The following PALD1 variants were observed in gnomAD, a reference collection of about 807,000 sequenced individuals.
The protein encoded by PALD1 is phosphatase domain containing paladin 1.
PALD1 carries 57 observed loss-of-function variants against 96.0 expected under a neutral mutation model. That is an observed-to-expected ratio of 0.59 (90% confidence interval 0.48 to 0.74). PALD1 has a LOEUF of 0.74. Among genes scored for constraint, PALD1 ranks in the 30% least tolerant of loss-of-function variants. PALD1 has a pLI of 0.00. For missense variants in PALD1, 1,063 were observed against 1,143.7 expected (o/e 0.93, Z 1.02); for synonymous variants, 464 against 473.6 (o/e 0.98, Z 0.26).
At chr10:70,460,316 G>C in the PALD1 span, among the ~76,000 whole-genome samples, 1 of 152,106 alleles carries the variant, frequency 6.6e-6, no homozygotes, top group Non-Finnish European at 1.5e-5. Flanking sequence ...AATGCCCATG[G>C]TGCCCGGCCT....
chr10:70,537,837 G>A lies in PALD1; in HGVS notation c.1254G>A (p.Trp418Ter). Residue 418 changes from tryptophan to a stop codon, truncating the protein, a stop_gained, in exon 11 of 20, where the codon TGG becomes TGA. Transcript: ENST00000263563. LOFTEE classifies it high-confidence loss of function. ...AQGSGSRHSV[W>*]QRALWSLERY... ...GAAGCGGCAGCCGACACAGCGTCTG[G>A]CAGAGGGCGCTGTGGAGCCTGGAGC... The A allele has an allele frequency of 6.2e-7, 1 of 1,613,436 alleles. No individual in the cohort carries two copies.
At chr10:70,469,298 A>T in the PALD1 span, among the ~76,000 whole-genome samples, 8 of 152,182 alleles carry the variant, frequency 5.3e-5, no homozygotes. Flanking sequence ...ATTCTGGCTG[A>T]GGAGGGCTGG....
At chr10:70,562,173 C>T (rs1475373926) in intron 18 of PALD1, among the ~76,000 whole-genome samples, 2 of 152,218 alleles carry the variant, frequency 1.3e-5, no homozygotes, top group Non-Finnish European at 2.9e-5. Context: ...GAACCCAGCT[C>T]ATGGGACTCA....
At chr10:70,544,118 G>A (rs940465779) in intron 17 of PALD1, among the ~76,000 whole-genome samples, 1 of 152,182 alleles carries the variant, frequency 6.6e-6, no homozygotes, top group Non-Finnish European at 1.5e-5. Flanking sequence ...GCGTGAAGAG[G>A]CCCAGAGCAG....
intron 1 of PALD1, among the ~76,000 whole-genome samples, chr10:70,517,821 G>A (rs1463843754): frequency 1.3e-5 from 2 of 152,076 alleles, no homozygotes; most frequent in African/African-American, 4.8e-5. Flanking sequence ...TCTGGGGCTT[G>A]GCTTGTTTCT....
At chr10:70,548,809 A>G (rs1847420983) in intron 18 of PALD1, among the ~76,000 whole-genome samples, 1 of 152,154 alleles carries the variant, frequency 6.6e-6, no homozygotes, top group African/African-American at 2.4e-5. Flanking sequence ...TCAGGCCCTG[A>G]TTGGGGCAAA....
At chr10:70,563,070 T>G (rs529462366) in intron 18 of PALD1, among the ~76,000 whole-genome samples, 22 of 127,974 alleles carry the variant, frequency 1.7e-4, no homozygotes, top group African/African-American at 6.3e-4. Flanking sequence ...ATTTTGACAA[T>G]CCCGATGCCC....
chr10:70,557,873 G>T (rs912875603), intron 18 of PALD1, among the ~76,000 whole-genome samples: 1 of 151,032 alleles, frequency 6.6e-6, no homozygotes, highest in Non-Finnish European at 1.5e-5. Flanking sequence ...AGGGTGGGGA[G>T]TGTTGCTGTC....
chr10:70,541,366 C>A (rs1034608433), intron 16 of PALD1, 97 bp from the exon 17 acceptor site: 5 of 1,516,872 alleles, frequency 3.3e-6, no homozygotes, highest in Non-Finnish European at 4.5e-6. Context: ...GGTCCCAGAG[C>A]CCCTTCCATC....
In PALD1 at chr10:70,514,005, G is replaced by A. The variant is rs116184235; in HGVS notation, c.-29-11918G>A. On this transcript the variant is annotated intron_variant, in intron 1 of 19. Transcript: ENST00000263563. ...AGGCTTCCCCCTGCTCTCTGAGGGCGGGCAGGGACTTCCCCATCCCTCCAC... is the reference window on the plus strand; with the variant it reads ...AGGCTTCCCCCTGCTCTCTGAGGGCAGGCAGGGACTTCCCCATCCCTCCAC... 8.5e-3 allele frequency among the ~76,000 whole-genome samples: 1,290 copies of A among 152,312 alleles called. 17 individuals carry two copies. Among genetic ancestry groups the A allele is most frequent in the African/African-American group, 0.029 (1,213 of 41,570 alleles).
intron 1 of PALD1, 149 bp downstream of exon 1, chr10:70,479,208 T>A (rs1489422240): frequency 6.6e-6 from 1 of 152,362 alleles, no homozygotes; most frequent in African/African-American, 2.4e-5. Flanking sequence ...CCGCTCAGGA[T>A]TGGTCCCTGG....
intron 19 of PALD1, among the ~76,000 whole-genome samples, chr10:70,565,978 C>T (rs1274638077): frequency 6.6e-6 from 1 of 152,214 alleles, no homozygotes; most frequent in Admixed American, 6.5e-5. Flanking sequence ...ACCTCAGCCC[C>T]TCTCTCCTGC....
Position 70,533,955 on chromosome 10 carries a change from C to T in PALD1, c.904C>T (p.His302Tyr). The change falls in exon 8 of 20, where the codon CAC becomes TAC. Residue 302 changes from histidine to tyrosine, a missense_variant. Coordinates refer to ENST00000263563, the MANE Select transcript of PALD1 (RefSeq NM_014431.3). Reference sequence around the variant, plus strand: ...CAGCCTGCTGCAGCTCCGTGATGCCCACGGGCCTCCCCCAGCCCTCGTCTT... The same window carrying T: ...CAGCCTGCTGCAGCTCCGTGATGCCTACGGGCCTCCCCCAGCCCTCGTCTT... Reference protein sequence around the residue: ...TPSLLQLRDAHGPPPALVFSC... With the variant: ...TPSLLQLRDAYGPPPALVFSC... 6.2e-7 allele frequency: 1 copy of T among 1,611,250 alleles called. No individual in the cohort carries two copies. Among genetic ancestry groups the T allele is most frequent in the Non-Finnish European group, 8.5e-7 (1 of 1,178,440 alleles).
At chr10:70,486,427 C>CT (rs1471807734) in intron 1 of PALD1, 1 of 152,436 alleles carries the variant, frequency 6.6e-6, no homozygotes, top group African/African-American at 2.4e-5. Context: ...GGACAGCCCT[C>CT]TATCAGGGCC....
rs148960582 is a variant in PALD1, at chr10:70,534,048, C to T, written c.997C>T (p.Arg333Cys). 227 of 1,608,456 alleles carry T rather than the reference C, an allele frequency of 1.4e-4. No individual in the cohort carries two copies. Among genetic ancestry groups the T allele is most frequent in the Non-Finnish European group, 1.8e-4 (210 of 1,176,906 alleles). The change falls in exon 8 of 20, where the codon CGC (arginine) becomes TGC (cysteine). Residue 333 changes from arginine to cysteine, a missense_variant. Coordinates refer to ENST00000263563, the MANE Select transcript of PALD1 (RefSeq NM_014431.3). ...MVLGTLILLH[R>C]SGTTSQPEAA... is the part of the protein sequence containing the mutation. Reference sequence around the variant, plus strand: ...CCTGGGCACCCTCATCCTGCTTCACCGCAGTGGGACCACCTCCCAGCCAGA... The same window carrying T: ...CCTGGGCACCCTCATCCTGCTTCACTGCAGTGGGACCACCTCCCAGCCAGA...
chr10:70,505,643 AC>A (rs1846372844), intron 1 of PALD1, among the ~76,000 whole-genome samples: 3 of 140,470 alleles, frequency 2.1e-5, no homozygotes, highest in African/African-American at 7.9e-5. Flanking sequence ...ACAAAACAAA[AC>A]AAAAAAACAA....
At chr10:70,511,860 C>T (rs982288985) in intron 1 of PALD1, among the ~76,000 whole-genome samples, 1 of 152,152 alleles carries the variant, frequency 6.6e-6, no homozygotes, top group South Asian at 2.1e-4. Flanking sequence ...AACCCCATCT[C>T]TACTAAAAAT....
At chr10:70,476,051 C>G (rs970037504), upstream of PALD1, among the ~76,000 whole-genome samples, 2 of 152,134 alleles carry the variant, frequency 1.3e-5, no homozygotes, top group Non-Finnish European at 2.9e-5. Flanking sequence ...GTGTCTTGGA[C>G]GTTTGTGTGT....
At chr10:70,559,883 A>G (rs1277123946) in intron 18 of PALD1, among the ~76,000 whole-genome samples, 1 of 152,100 alleles carries the variant, frequency 6.6e-6, no homozygotes, top group Non-Finnish European at 1.5e-5. Context: ...TAGGATCTGG[A>G]TTCAAGATGA....
Sources: allele counts gnomAD v4.1 joint callset (sites outside exome capture counted in the v4.1 genomes callset), GRCh38; gene constraint gnomAD v4.1.1; transcripts MANE v1.5; gene names NCBI Gene and HGNC (gene_info 2026-07-23, HGNC 2026-07-21).